The following DLGAP2 variants were observed in gnomAD, a reference collection of about 807,000 sequenced individuals.
DLGAP2 encodes DLG associated protein 2.
DLGAP2 carries 26 observed loss-of-function variants against 100.3 expected under a neutral mutation model. That is an observed-to-expected ratio of 0.26 (90% CI 0.19 to 0.36). DLGAP2 has a LOEUF of 0.36. Among genes scored for constraint, DLGAP2 ranks in the 10% least tolerant of loss-of-function variants. The pLI is 1.00. For synonymous variants in DLGAP2, 886 were observed against 630.1 expected (o/e 1.41, Z -6.08); for missense variants, 1,858 against 1,453.2 (o/e 1.28, Z -4.53).
chr8:738,208 T>G, intron 1 of DLGAP2: 1 of 158,722 alleles, frequency 6.3e-6, no homozygotes, highest in Non-Finnish European at 1.4e-5. Context: ...CTAGCTCCGG[T>G]GGGGCAGCTG....
At chr8:1,491,269 C>G (rs1048513324) in intron 3 of DLGAP2, among the ~76,000 whole-genome samples, 1 of 152,156 alleles carries the variant, frequency 6.6e-6, no homozygotes, top group Non-Finnish European at 1.5e-5. Flanking sequence ...CCTGGCAGCC[C>G]TGCCCAGGAA....
chr8:1,501,825 G>T (rs1469059758), intron 4 of DLGAP2, among the ~76,000 whole-genome samples: 1 of 152,144 alleles, frequency 6.6e-6, no homozygotes, highest in Non-Finnish European at 1.5e-5. Context: ...CTCTCCAGCT[G>T]GCCCCACACA....
intron 3 of DLGAP2, among the ~76,000 whole-genome samples, chr8:1,303,136 G>A (rs894486019): frequency 3.9e-5 from 6 of 152,158 alleles, no homozygotes; most frequent in South Asian, 2.1e-4. Context: ...GGTGGCTCAC[G>A]CCTGTAATCC....
At chr8:1,221,700 G>A (rs1205519740) in intron 2 of DLGAP2, among the ~76,000 whole-genome samples, 2 of 152,156 alleles carry the variant, frequency 1.3e-5, no homozygotes, top group Non-Finnish European at 2.9e-5. Flanking sequence ...TTTCCGAGTT[G>A]CTTGCTGTCA....
intron 3 of DLGAP2, among the ~76,000 whole-genome samples, chr8:1,319,975 A>T (rs1179878298): frequency 1.3e-5 from 2 of 151,940 alleles, no homozygotes; most frequent in Admixed American, 1.3e-4. Flanking sequence ...GTGGAGTAAC[A>T]GGGGTGGGGG....
At chr8:744,580 C>T (rs1170295006) in intron 1 of DLGAP2, among the ~76,000 whole-genome samples, 5 of 139,978 alleles carry the variant, frequency 3.6e-5, no homozygotes, top group African/African-American at 1.1e-4. Context: ...GGGTGCTGGC[C>T]GTCTGCTCCC....
chr8:1,108,311 A>G (rs979257425), intron 2 of DLGAP2, among the ~76,000 whole-genome samples: 7 of 152,200 alleles, frequency 4.6e-5, no homozygotes, highest in African/African-American at 1.4e-4. Flanking sequence ...AGTGCAGTCA[A>G]TTTCTGAAAG....
intron 1 of DLGAP2, among the ~76,000 whole-genome samples, chr8:871,717 A>G (rs1045434510): frequency 6.6e-6 from 1 of 152,124 alleles, no homozygotes; most frequent in African/African-American, 2.4e-5. Context: ...AAAAAAACCA[A>G]TTTGAAGTAC....
intron 3 of DLGAP2, among the ~76,000 whole-genome samples, chr8:1,276,881 G>C (rs888216020): frequency 6.6e-6 from 1 of 152,142 alleles, no homozygotes; most frequent in Non-Finnish European, 1.5e-5. Context: ...TTTTCATGTT[G>C]TGGCAGAGTT....
chr8:1,409,232 CA>C (rs1181767791), intron 3 of DLGAP2, among the ~76,000 whole-genome samples: 1 of 151,084 alleles, frequency 6.6e-6, no homozygotes. Flanking sequence ...ATAGGAAGCC[CA>C]TCTCCCCTTG....
At chr8:975,488 G>T (rs1158237782) in intron 2 of DLGAP2, among the ~76,000 whole-genome samples, 7 of 152,130 alleles carry the variant, frequency 4.6e-5, no homozygotes, top group Admixed American at 3.9e-4. Context: ...CATAGATGTG[G>T]AGATCCTCAG....
At chr8:1,318,066 G>T (rs77746481) in intron 3 of DLGAP2, among the ~76,000 whole-genome samples, 1 of 18,956 alleles carries the variant, frequency 5.3e-5, no homozygotes, top group Admixed American at 6.3e-4. Context: ...CGAGACACTC[G>T]TCAGTGTTTA....
At chr8:930,715 C>T (rs1199788139) in intron 2 of DLGAP2, among the ~76,000 whole-genome samples, 1 of 152,146 alleles carries the variant, frequency 6.6e-6, no homozygotes, top group Non-Finnish European at 1.5e-5. Flanking sequence ...ATGGAGACCC[C>T]ACACTGCAGA....
chr8:746,621 A>C (rs915147910), intron 1 of DLGAP2, among the ~76,000 whole-genome samples: 1 of 152,282 alleles, frequency 6.6e-6, no homozygotes, highest in Non-Finnish European at 1.5e-5. Flanking sequence ...AATGTGGATC[A>C]GAATGCCAGC....
chr8:1,523,837 T>C (rs1342072999), intron 4 of DLGAP2, among the ~76,000 whole-genome samples: 2 of 152,132 alleles, frequency 1.3e-5, no homozygotes, highest in African/African-American at 4.8e-5. Flanking sequence ...TTAAAAGAAA[T>C]CCAGTGAATA....
intron 2 of DLGAP2, among the ~76,000 whole-genome samples, chr8:1,066,747 C>T (rs1469855525): frequency 6.6e-6 from 1 of 152,254 alleles, no homozygotes; most frequent in African/African-American, 2.4e-5. Flanking sequence ...TGTCCTTGGC[C>T]TCCACACGCG....
intron 3 of DLGAP2, among the ~76,000 whole-genome samples, chr8:1,287,369 A>AGTGT (rs1799949821): frequency 8.9e-6 from 1 of 111,790 alleles, no homozygotes; most frequent in South Asian, 2.9e-4. Flanking sequence ...GTTTTGGTTC[A>AGTGT]GCGTGTGTGT....
intron 2 of DLGAP2, among the ~76,000 whole-genome samples, chr8:1,056,785 T>C (rs1184994287): frequency 2.6e-5 from 4 of 152,342 alleles, no homozygotes; most frequent in South Asian, 4.1e-4. Flanking sequence ...AGTTGTAAAA[T>C]GGGAATTCCA....
At chr8:1,305,223 C>T (rs565727422) in intron 3 of DLGAP2, among the ~76,000 whole-genome samples, 19 of 152,282 alleles carry the variant, frequency 1.2e-4, no homozygotes, top group African/African-American at 4.3e-4. Context: ...ATGAAAGTAG[C>T]ATCTCTCAAT....
Sources: allele counts gnomAD v4.1 joint callset (sites outside exome capture counted in the v4.1 genomes callset), GRCh38; gene constraint gnomAD v4.1.1; transcripts MANE v1.5; gene names NCBI Gene and HGNC (gene_info 2026-07-23, HGNC 2026-07-21).